TUSC3: variants seen among roughly 807,000 people sequenced by gnomAD.
TUSC3 encodes dolichyl-diphosphooligosaccharide--protein glycosyltransferase subunit TUSC3.
TUSC3 carries 45 observed loss-of-function variants against 44.8 expected under a neutral mutation model. The ratio of observed to expected loss-of-function variants is 1.00; its 90% CI spans 0.79 to 1.29. The LOEUF (loss-of-function observed/expected upper bound fraction) is 1.29, where lower values mean the gene tolerates loss of function less well. Among genes scored for constraint, TUSC3 ranks in the 50% most tolerant of loss-of-function variants. The probability of loss-of-function intolerance (pLI) is 0.00; values close to 1 mark genes in which losing one functional copy is unlikely to be tolerated. For missense variants in TUSC3, 519 were observed against 437.9 expected, an observed-to-expected ratio of 1.19 and a Z score of -1.65; for synonymous variants, 212 against 152.9, an observed-to-expected ratio of 1.39 and a Z score of -2.85.
intron 1 of TUSC3, among the ~76,000 whole-genome samples, chr8:15,616,540 G>A (rs1804994287): frequency 6.6e-6 from 1 of 152,216 alleles, no homozygotes; most frequent in Non-Finnish European, 1.5e-5. Flanking sequence ...TAGCACCACT[G>A]CCCTCCAGCC....
chr8:15,802,392 T>C, the TUSC3 span, among the ~76,000 whole-genome samples: 55 of 152,274 alleles, frequency 3.6e-4, no homozygotes, highest in East Asian at 9.3e-3. Context: ...TTATGAAAAT[T>C]GTATATAGGA....
At chr8:15,440,260 T>C (rs1003724664) in intron 1 of TUSC3, among the ~76,000 whole-genome samples, 2 of 152,000 alleles carry the variant, frequency 1.3e-5, no homozygotes, top group Admixed American at 6.6e-5. Flanking sequence ...AAACAACACA[T>C]GCAAAGTCCC....
At chr8:15,586,600 A>C (rs758047789) in intron 1 of TUSC3, among the ~76,000 whole-genome samples, 2 of 152,160 alleles carry the variant, frequency 1.3e-5, no homozygotes, top group African/African-American at 4.8e-5. Context: ...AGAGGTAAAT[A>C]CTGTGAATGC....
chr8:15,569,781 T>G (rs757859566), intron 1 of TUSC3, among the ~76,000 whole-genome samples: 1 of 152,122 alleles, frequency 6.6e-6, no homozygotes, highest in Non-Finnish European at 1.5e-5. Context: ...TGAAAATTTT[T>G]CTTCCTTGTC....
At chr8:15,704,083 A>G (rs1365558794) in intron 6 of TUSC3, among the ~76,000 whole-genome samples, 1 of 152,096 alleles carries the variant, frequency 6.6e-6, no homozygotes, top group Non-Finnish European at 1.5e-5. Flanking sequence ...AGAAAAGTAA[A>G]GCAGAGTGAT....
chr8:15,746,283 T>TCTAA (rs1811412150), intron 8 of TUSC3, among the ~76,000 whole-genome samples: 1 of 152,132 alleles, frequency 6.6e-6, no homozygotes, highest in South Asian at 2.1e-4. Context: ...TGTTTGTTTC[T>TCTAA]CTAACTCCAG....
At chr8:15,419,963 G>C (rs1799717659) in intron 1 of TUSC3, among the ~76,000 whole-genome samples, 1 of 152,000 alleles carries the variant, frequency 6.6e-6, no homozygotes, top group Non-Finnish European at 1.5e-5. Context: ...TGAAATCAGT[G>C]AGTAAAGGAC....
At chr8:15,790,515 G>A in the TUSC3 span, among the ~76,000 whole-genome samples, 4 of 152,150 alleles carry the variant, frequency 2.6e-5, no homozygotes, top group Admixed American at 2.0e-4. Context: ...TCATGGTGCC[G>A]ATGGGAGTGT....
intron 8 of TUSC3, among the ~76,000 whole-genome samples, chr8:15,745,618 C>T (rs978556530): frequency 1.4e-4 from 21 of 151,606 alleles, no homozygotes; most frequent in African/African-American, 5.1e-4. Context: ...AATACCTGTT[C>T]ATATCCTTTT....
intron 1 of TUSC3, among the ~76,000 whole-genome samples, chr8:15,608,268 C>T (rs1459807179): frequency 2.0e-5 from 3 of 151,984 alleles, no homozygotes; most frequent in Admixed American, 6.6e-5. Flanking sequence ...CTCTCTTTTC[C>T]ATGAGTGTTT....
intron 6 of TUSC3, among the ~76,000 whole-genome samples, chr8:15,686,191 CA>C (rs1375563495): frequency 6.6e-6 from 1 of 151,994 alleles, no homozygotes; most frequent in African/African-American, 2.4e-5. Flanking sequence ...CATATGGTTA[CA>C]TAGGACATAA....
chr8:15,434,285 G>C (rs1035830458), intron 1 of TUSC3, among the ~76,000 whole-genome samples: 1 of 152,060 alleles, frequency 6.6e-6, no homozygotes, highest in Non-Finnish European at 1.5e-5. Flanking sequence ...GTATTAACTG[G>C]CTGTTTGTCT....
intron 3 of TUSC3, among the ~76,000 whole-genome samples, chr8:15,651,214 T>TTACA (rs1806889206): frequency 6.6e-6 from 1 of 152,238 alleles, no homozygotes; most frequent in African/African-American, 2.4e-5. Context: ...TTTACATGCA[T>TTACA]TGGTCTTATT....
chr8:15,614,327 C>CAAA (rs943732986), intron 1 of TUSC3, among the ~76,000 whole-genome samples: 15 of 152,132 alleles, frequency 9.9e-5, no homozygotes, highest in Admixed American at 2.6e-4. Flanking sequence ...AACATGCACT[C>CAAA]ATTTAAGTGT....
chr8:15,586,146 A>G (rs998637103), intron 1 of TUSC3, among the ~76,000 whole-genome samples: 3 of 152,214 alleles, frequency 2.0e-5, no homozygotes, highest in Non-Finnish European at 4.4e-5. Context: ...TCAGAGAAGT[A>G]TCCATATATT....
At chr8:15,660,674 A>G (rs1049861696) in intron 4 of TUSC3, among the ~76,000 whole-genome samples, 3 of 151,888 alleles carry the variant, frequency 2.0e-5, no homozygotes, top group Non-Finnish European at 2.9e-5. Flanking sequence ...AAATTATATC[A>G]TTGGTTTTAA....
intron 1 of TUSC3, among the ~76,000 whole-genome samples, chr8:15,569,134 C>T (rs960633640): frequency 6.6e-6 from 1 of 151,908 alleles, no homozygotes; most frequent in African/African-American, 2.4e-5. Context: ...TTAAGAGTAC[C>T]ATGCGAAATG....
downstream of TUSC3, among the ~76,000 whole-genome samples, chr8:15,767,203 C>T (rs547538790): frequency 4.6e-5 from 7 of 152,032 alleles, no homozygotes; most frequent in East Asian, 1.9e-4. Flanking sequence ...TATGAATTTT[C>T]GATATTCCTC....
intron 1 of TUSC3, among the ~76,000 whole-genome samples, chr8:15,612,269 G>C (rs1319512458): frequency 6.6e-6 from 1 of 152,106 alleles, no homozygotes; most frequent in Non-Finnish European, 1.5e-5. Flanking sequence ...AGGCATCTTG[G>C]TTAAAGACAT....
Sources: allele counts gnomAD v4.1 joint callset (sites outside exome capture counted in the v4.1 genomes callset), GRCh38; gene constraint gnomAD v4.1.1; transcripts MANE v1.5; gene names NCBI Gene and HGNC (gene_info 2026-07-23, HGNC 2026-07-21).